The following DLG2 variants were observed in gnomAD, a reference collection of about 807,000 sequenced individuals.
DLG2 encodes the protein discs large MAGUK scaffold protein 2.
In DLG2, 45 loss-of-function variants were observed where a neutral mutation model predicts 132.5. The ratio of observed to expected loss-of-function variants is 0.34; its 90% CI spans 0.27 to 0.44. DLG2 has a LOEUF of 0.44. DLG2 is among the 20% of genes least tolerant of loss of function. DLG2 has a pLI of 1.00. For missense variants in DLG2, 1,045 were observed against 1,196.9 expected (o/e 0.87, Z 1.87); for synonymous variants, 424 against 419.6 (o/e 1.01, Z -0.13).
At chr11:83,814,870 C>A in intron 17 of DLG2, 2 of 237,880 alleles carry the variant, frequency 8.4e-6, no homozygotes, top group East Asian at 9.8e-5. Flanking sequence ...CTTGAGTCCC[C>A]ATGCTCTCCA....
chr11:85,272,266 A>G (rs1225553088), intron 4 of DLG2, among the ~76,000 whole-genome samples: 1 of 152,162 alleles, frequency 6.6e-6, no homozygotes, highest in Non-Finnish European at 1.5e-5. Flanking sequence ...GAGGCCTCCC[A>G]AGCCATGTGG....
rs143434315 is a variant in DLG2, at chr11:85,461,609, G to T, written c.40+137048C>A. On this transcript the variant is annotated intron_variant, in intron 3 of 27. Coordinates refer to ENST00000376104, the MANE Select transcript of DLG2 (RefSeq NM_001142699.3). The stretch of plus-strand genomic sequence containing the variant: ...CATTCATTTTTTTAACAGTTTTAAT[G>T]TGTTTACTTAGGCATGGGGAATACT... 3.3e-3 allele frequency among the ~76,000 whole-genome samples: 504 copies of T among 152,286 alleles called. 1 individual carries two copies. The highest frequency in any genetic ancestry group is 0.012 in the African/African-American group (488 of 41,568).
chr11:85,013,424 T>C (rs1305036962), intron 6 of DLG2, among the ~76,000 whole-genome samples: 3 of 152,142 alleles, frequency 2.0e-5, no homozygotes, highest in Non-Finnish European at 4.4e-5. Flanking sequence ...AGAGCAAAGA[T>C]GCCCCAGCTA....
intron 21 of DLG2, among the ~76,000 whole-genome samples, chr11:83,506,510 G>A (rs11601989): frequency 0.044 from 6,750 of 152,252 alleles, 149 homozygotes; most frequent in Middle Eastern, 0.092. Context: ...TATAGGTCTA[G>A]ACGCAAATAG....
At position 85,271,822 on chromosome 11, in the gene DLG2, G is replaced by A. The variant is rs544618167; in HGVS notation, c.186+13398C>T. Among the ~76,000 whole-genome samples the A allele has an allele frequency of 2.6e-5, 4 of 152,324 alleles. No individual in the cohort carries two copies. In the East Asian group the frequency reaches 7.7e-4, roughly 29 times the overall value. ...CCTGTACCCCTATTGTATCTAGGAAGCAACTCACTTGCTTTTTATTTTACA... is the reference window on the plus strand; with the variant it reads ...CCTGTACCCCTATTGTATCTAGGAAACAACTCACTTGCTTTTTATTTTACA... On this transcript the variant is annotated intron_variant, in intron 4 of 27. Coordinates refer to ENST00000376104, the MANE Select transcript of DLG2 (RefSeq NM_001142699.3).
At chr11:84,222,200 T>C (rs541167257) in intron 8 of DLG2, among the ~76,000 whole-genome samples, 1 of 152,096 alleles carries the variant, frequency 6.6e-6, no homozygotes, top group Non-Finnish European at 1.5e-5. Flanking sequence ...ACCTGGCTAA[T>C]TTTTTGTATT....
rs568221115 is a variant in DLG2 at position 85,131,295 on chromosome 11, T to A, written c.283-19560A>T. 2.8e-4 allele frequency among the ~76,000 whole-genome samples: 42 copies of A among 152,268 alleles called. 1 individual carries two copies. The highest frequency in any genetic ancestry group is 8.5e-4 in the Admixed American group (13 of 15,294). ...TTGGGTTCTCATTAATAACTTTTGA[T>A]AACTTATTTTTACAATATTAATTAT... On this transcript the variant is annotated intron_variant, in intron 5 of 27. Coordinates refer to ENST00000376104, the MANE Select transcript of DLG2 (RefSeq NM_001142699.3).
chr11:85,580,565 T>G (rs2078445771), intron 3 of DLG2, among the ~76,000 whole-genome samples: 1 of 152,252 alleles, frequency 6.6e-6, no homozygotes. Context: ...GCAATACACA[T>G]ATTAATTTAT....
chr11:84,959,084 C>A (rs1292305092), intron 6 of DLG2, among the ~76,000 whole-genome samples: 1 of 152,110 alleles, frequency 6.6e-6, no homozygotes, highest in Non-Finnish European at 1.5e-5. Context: ...CCACCAGAGA[C>A]AAAATTATAT....
chr11:83,719,123 C>T (rs1186129479), intron 18 of DLG2, among the ~76,000 whole-genome samples: 1 of 152,190 alleles, frequency 6.6e-6, no homozygotes, highest in African/African-American at 2.4e-5. Context: ...GCCCACACAG[C>T]AGTCAGGCCT....
intron 18 of DLG2, among the ~76,000 whole-genome samples, chr11:83,656,959 A>G (rs2072664913): frequency 6.6e-6 from 1 of 152,056 alleles, no homozygotes; most frequent in African/African-American, 2.4e-5. Context: ...TTCTCCCTAC[A>G]AGGCCTTTGT....
chr11:85,214,149 T>C (rs1384444497), intron 4 of DLG2, among the ~76,000 whole-genome samples: 8 of 152,198 alleles, frequency 5.3e-5, no homozygotes, highest in Non-Finnish European at 1.0e-4. Context: ...CCATAAAAGC[T>C]GAATATGGAG....
At chr11:85,474,320 G>C (rs1184434976) in intron 3 of DLG2, among the ~76,000 whole-genome samples, 1 of 151,878 alleles carries the variant, frequency 6.6e-6, no homozygotes, top group African/African-American at 2.4e-5. Flanking sequence ...TTACAGACAT[G>C]AAAATTTGAA....
chr11:83,851,818 G>T (rs1460105234), intron 16 of DLG2, among the ~76,000 whole-genome samples: 1 of 152,002 alleles, frequency 6.6e-6, no homozygotes, highest in Admixed American at 6.6e-5. Flanking sequence ...TACTCAGGAG[G>T]CTGAGGCAGA....
At chr11:85,164,997 T>C (rs558542119) in intron 4 of DLG2, among the ~76,000 whole-genome samples, 151 of 152,242 alleles carry the variant, frequency 9.9e-4, no homozygotes, top group African/African-American at 3.5e-3. Flanking sequence ...CCAGTAGGGG[T>C]GGGGCTCTAA....
chr11:85,410,335 T>G (rs1161856810), intron 3 of DLG2, among the ~76,000 whole-genome samples: 1 of 151,686 alleles, frequency 6.6e-6, no homozygotes, highest in Non-Finnish European at 1.5e-5. Flanking sequence ...ATTAATATAT[T>G]TATTAGTATG....
chr11:84,119,349 A>T (rs1000924966), intron 9 of DLG2, among the ~76,000 whole-genome samples: 1 of 152,016 alleles, frequency 6.6e-6, no homozygotes, highest in Non-Finnish European at 1.5e-5. Flanking sequence ...AGTCCAAAAG[A>T]TTTTAACCAC....
chr11:83,499,898 T>TATATATATATATAA (rs1555113167), intron 21 of DLG2, among the ~76,000 whole-genome samples: 3 of 96,496 alleles, frequency 3.1e-5, no homozygotes, highest in Non-Finnish European at 6.3e-5. Flanking sequence ...TATATATATA[T>TATATATATATATAA]CAGTTCTGTC....
At chr11:83,585,391 G>A (rs2097065734) in intron 19 of DLG2, among the ~76,000 whole-genome samples, 1 of 152,110 alleles carries the variant, frequency 6.6e-6, no homozygotes, top group Non-Finnish European at 1.5e-5. Flanking sequence ...TTTATAAAGA[G>A]ATAGCTTGTG....
Sources: allele counts gnomAD v4.1 joint callset (sites outside exome capture counted in the v4.1 genomes callset), GRCh38; gene constraint gnomAD v4.1.1; transcripts MANE v1.5; gene names NCBI Gene and HGNC (gene_info 2026-07-23, HGNC 2026-07-21).